Variants in PRRC2B observed in about 807,000 individuals in gnomAD.
PRRC2B encodes the protein protein PRRC2B.
PRRC2B carries 68 observed loss-of-function variants against 242.3 expected under a neutral mutation model. The ratio of observed to expected loss-of-function variants is 0.28; its 90% CI spans 0.23 to 0.34. The LOEUF (loss-of-function observed/expected upper bound fraction) is 0.34. PRRC2B is among the 10% of genes least tolerant of loss of function. PRRC2B has a pLI of 1.00. For synonymous variants in PRRC2B, 1,228 were observed against 1,173.6 expected, an observed-to-expected ratio of 1.05 and a Z score of -0.95; for missense variants, 2,835 against 2,954.8, an observed-to-expected ratio of 0.96 and a Z score of 0.94.
chr9:131,475,775 C>A lies in PRRC2B; in HGVS notation c.3646C>A (p.Arg1216=). The change falls in exon 16 of 32, where the codon CGG becomes AGG. Residue 1216 remains arginine, a synonymous_variant. Transcript: ENST00000683519. ...PPRLSNCGYG[R]RTFVSKESPH... ...CCGGCTGAGCAATTGCGGGTATGGACGGAGAACCTTCGTCTCCAAAGAGTC... is the reference window on the plus strand; with the variant it reads ...CCGGCTGAGCAATTGCGGGTATGGAAGGAGAACCTTCGTCTCCAAAGAGTC... The A allele has an allele frequency of 6.2e-7, 1 of 1,613,472 alleles. No homozygotes were observed. The highest frequency in any genetic ancestry group is 8.5e-7 in the Non-Finnish European group (1 of 1,179,664).
chr9:131,380,637 T>C (rs1455839643), intron 1 of PRRC2B, among the ~76,000 whole-genome samples: 1 of 151,250 alleles, frequency 6.6e-6, no homozygotes, highest in African/African-American at 2.4e-5. Context: ...CCCAGCACTT[T>C]GGAGGCTGAG....
intron 1 of PRRC2B, among the ~76,000 whole-genome samples, chr9:131,396,329 T>C (rs79863774): frequency 1.5e-4 from 18 of 120,654 alleles, no homozygotes; most frequent in African/African-American, 4.1e-4. Context: ...TCTTTTCTTT[T>C]TTTTTTTTTT....
Position 131,478,429 on chromosome 9 carries a change from C to G in PRRC2B, c.4613-45C>G, listed in dbSNP as rs375584821. On this transcript the variant is annotated intron_variant, in intron 17 of 31. Coordinates refer to ENST00000683519, the MANE Select transcript of PRRC2B (RefSeq NM_013318.4). ...TGTTGAATTGGGTTGTTCTTGTCTC[C>G]TGGTGAGTGGAAAGACTGTTCCTTC... The G allele has an allele frequency of 1.0e-5, 16 of 1,595,554 alleles. No individual in the cohort carries two copies. The African/African-American group carries it at 2.1e-4, about 21-fold the overall frequency.
chr9:131,444,052 A>G, intron 5 of PRRC2B, 133 bp from the exon 6 acceptor site: 1 of 998,022 alleles, frequency 1.0e-6, no homozygotes, highest in Non-Finnish European at 1.5e-6. Flanking sequence ...CTGCCAGCAC[A>G]GAGCACCCTT....
intron 9 of PRRC2B, among the ~76,000 whole-genome samples, chr9:131,448,924 C>A (rs996481111): frequency 1.3e-5 from 2 of 152,168 alleles, no homozygotes; most frequent in African/African-American, 2.4e-5. Context: ...TTTCCCTCAC[C>A]ACCGCAGGCT....
Position 131,497,461 on chromosome 9 carries a change from T to C in PRRC2B, c.*1587T>C, listed in dbSNP as rs1215089517. The C allele has an allele frequency of 6.6e-6, 1 of 152,214 alleles. No homozygotes were observed. The highest frequency in any genetic ancestry group is 1.5e-5 in the Non-Finnish European group (1 of 68,066). 9.4% of individuals were successfully genotyped at this position (152,214 alleles called of 1,614,324 possible). On this transcript the variant is annotated 3_prime_UTR_variant, in exon 32 of 32. Coordinates refer to ENST00000683519, the MANE Select transcript of PRRC2B (RefSeq NM_013318.4). The stretch of plus-strand genomic sequence containing the variant: ...CCAGAGGAGGCTGGCTCAGAACACC[T>C]AGAGGAGGGGGCCGGGGATGCACCC...
At position 131,474,662 on chromosome 9, in the gene PRRC2B, G is replaced by A. The variant is rs755275888; in HGVS notation, c.2533G>A (p.Gly845Ser). Residue 845 changes from glycine to serine, a missense_variant, in exon 16 of 32, where the codon GGT becomes AGT. This residue lies in a region of PRRC2B where 1,536 missense variants were observed against 1,483.1 expected (regional missense o/e 1.04). Coordinates refer to ENST00000683519, the MANE Select transcript of PRRC2B (RefSeq NM_013318.4). ...ENVQDAGAPG[G>S]HTQNLRCSPL... Reference sequence around the variant, plus strand: ...TGTTCAGGATGCAGGTGCTCCTGGGGGTCACACCCAAAACCTCAGGTGTTC... The same window carrying A: ...TGTTCAGGATGCAGGTGCTCCTGGGAGTCACACCCAAAACCTCAGGTGTTC... 2.5e-6 allele frequency: 4 copies of A among 1,613,632 alleles called. No individual in the cohort carries two copies. The highest frequency in any genetic ancestry group is 2.5e-6 in the Non-Finnish European group (3 of 1,179,738).
chr9:131,448,559 A>AAAAAC, intron 9 of PRRC2B, among the ~76,000 whole-genome samples: 1 of 135,266 alleles, frequency 7.4e-6, no homozygotes, highest in Non-Finnish European at 1.6e-5. Flanking sequence ...AAAAAAAAAA[A>AAAAAC]AAAAAAAAAA....
Position 131,479,356 on chromosome 9 carries a change from C to G in PRRC2B, c.4863C>G (p.Ser1621Arg). Reference protein sequence around the residue: ...LEQGDVTVPGSSLGTEIWESS... With the variant: ...LEQGDVTVPGRSLGTEIWESS... ...AAGGTGACGTGACCGTGCCTGGCAG[C>G]AGCCTGGGCACTGAGATCTGGGAGA... The change falls in exon 19 of 32, where the codon AGC becomes AGG. Residue 1621 changes from serine (S) to arginine (R), a missense_variant. Around this residue, in one of 7 missense-constraint regions of PRRC2B, gnomAD observed 1,536 missense variants for 1,483.1 expected, o/e 1.04. Transcript: ENST00000683519. 1 of 1,613,860 alleles carries G rather than the reference C, an allele frequency of 6.2e-7. No homozygotes were observed. The highest frequency in any genetic ancestry group is 1.1e-5 in the South Asian group (1 of 91,056).
upstream of PRRC2B, among the ~76,000 whole-genome samples, chr9:131,389,640 C>A (rs1836872405): frequency 6.7e-6 from 1 of 150,364 alleles, no homozygotes; most frequent in Non-Finnish European, 1.5e-5. Flanking sequence ...GGCTTTAGTG[C>A]ATGTGCTTAT....
intron 23 of PRRC2B, among the ~76,000 whole-genome samples, chr9:131,483,845 T>G (rs1344597985): frequency 6.6e-6 from 1 of 152,174 alleles, no homozygotes; most frequent in Non-Finnish European, 1.5e-5. Flanking sequence ...CTGCTGGCGC[T>G]CTACCATGGG....
intron 5 of PRRC2B, 74 bp downstream of exon 5, chr9:131,439,135 G>T: frequency 7.5e-7 from 1 of 1,329,032 alleles, no homozygotes; most frequent in Middle Eastern, 2.1e-4. Context: ...AGAATGTCTG[G>T]TTGGGTCTAG....
chr9:131,375,323 C>T (rs1277287559), intron 1 of PRRC2B, among the ~76,000 whole-genome samples: 2 of 151,870 alleles, frequency 1.3e-5, no homozygotes, highest in Non-Finnish European at 2.9e-5. Flanking sequence ...TGCTTGAATC[C>T]GGGAGGCGGA....
chr9:131,447,310 A>C, intron 8 of PRRC2B, 104 bp downstream of exon 8: 1 of 1,424,286 alleles, frequency 7.0e-7, no homozygotes, highest in Non-Finnish European at 9.6e-7. Flanking sequence ...CCTGGAGACC[A>C]CAGAGAACTT....
intron 9 of PRRC2B, among the ~76,000 whole-genome samples, chr9:131,449,646 T>G (rs1942849767): frequency 6.6e-6 from 1 of 152,270 alleles, no homozygotes; most frequent in Non-Finnish European, 1.5e-5. Flanking sequence ...ATACAAATCC[T>G]TTGCAACTTT....
At chr9:131,414,592 T>C (rs1837594645) in intron 1 of PRRC2B, among the ~76,000 whole-genome samples, 1 of 147,248 alleles carries the variant, frequency 6.8e-6, no homozygotes, top group Admixed American at 6.8e-5. Flanking sequence ...TTTTTGGAGA[T>C]GGAGTCTCTG....
intron 19 of PRRC2B, among the ~76,000 whole-genome samples, chr9:131,480,600 TA>T (rs1053987570): frequency 4.0e-5 from 6 of 151,860 alleles, no homozygotes; most frequent in African/African-American, 1.5e-4. Flanking sequence ...CCTTGGATAT[TA>T]AAATAGCATG....
intron 1 of PRRC2B, among the ~76,000 whole-genome samples, chr9:131,395,992 T>G (rs1254296378): frequency 6.6e-6 from 1 of 152,314 alleles, no homozygotes; most frequent in East Asian, 1.9e-4. Flanking sequence ...TCTACTTGTT[T>G]GGGCAAGTGT....
intron 1 of PRRC2B, among the ~76,000 whole-genome samples, chr9:131,401,600 C>T (rs1837228909): frequency 6.6e-6 from 1 of 152,020 alleles, no homozygotes; most frequent in East Asian, 1.9e-4. Context: ...GTTTGCTTAC[C>T]TCAGCCTCCC....
Sources: allele counts gnomAD v4.1 joint callset (sites outside exome capture counted in the v4.1 genomes callset), GRCh38; gene constraint gnomAD v4.1.1; regional missense constraint gnomAD v4.1.1; transcripts MANE v1.5; gene names NCBI Gene and HGNC (gene_info 2026-07-23, HGNC 2026-07-21).